SFMBT1: variants seen among roughly 807,000 people sequenced by gnomAD.
The protein encoded by SFMBT1 is scm-like with four MBT domains protein 1.
SFMBT1 carries 32 observed loss-of-function variants against 108.7 expected under a neutral mutation model. The ratio of observed to expected loss-of-function variants is 0.29; its 90% CI spans 0.22 to 0.40. The LOEUF (loss-of-function observed/expected upper bound fraction) is 0.40. Ranked by LOEUF, SFMBT1 falls within the 10% of genes least tolerant of loss-of-function variation. The pLI is 1.00. For synonymous variants in SFMBT1, 348 were observed against 369.5 expected, an observed-to-expected ratio of 0.94 and a Z score of 0.67; for missense variants, 816 against 1,059.6, an observed-to-expected ratio of 0.77 and a Z score of 3.19.
chr3:52,931,369 ATTGGTATTTC>A (rs1702854441), intron 6 of SFMBT1, among the ~76,000 whole-genome samples: 2 of 152,146 alleles, frequency 1.3e-5, no homozygotes, highest in Admixed American at 1.3e-4. Flanking sequence ...TACCAATATT[ATTGGTATTTC>A]TTTTAATCAA....
chr3:52,933,181 T>A (rs1444736311), intron 5 of SFMBT1, among the ~76,000 whole-genome samples: 1 of 152,248 alleles, frequency 6.6e-6, no homozygotes, highest in Non-Finnish European at 1.5e-5. Flanking sequence ...GGTATCTTTC[T>A]ATAATAGCAC....
chr3:52,923,336 C>T (rs1449783585), intron 10 of SFMBT1, among the ~76,000 whole-genome samples: 3 of 152,006 alleles, frequency 2.0e-5, no homozygotes, highest in Non-Finnish European at 2.9e-5. Flanking sequence ...GAGGCTGAGG[C>T]GGGTGGATCG....
intron 2 of SFMBT1, among the ~76,000 whole-genome samples, chr3:52,956,330 C>T (rs546456329): frequency 1.1e-4 from 16 of 152,076 alleles, no homozygotes; most frequent in Non-Finnish European, 2.1e-4. Context: ...TGTGGCGGCA[C>T]GCACCTGTAG....
At position 52,998,629 on chromosome 3, in the gene SFMBT1, G is replaced by A. The variant is rs771036488; in HGVS notation, c.-130-29371C>T. On this transcript the variant is annotated intron_variant, in intron 1 of 20. Transcript: ENST00000394752. ...CAGCCATGGCTAAGAAAGCGCCAGCGCCCACCCACCTGGGCCAATGGACTG... is the reference window on the plus strand; with the variant it reads ...CAGCCATGGCTAAGAAAGCGCCAGCACCCACCCACCTGGGCCAATGGACTG... 4.7e-5 allele frequency among the ~76,000 whole-genome samples: 7 copies of A among 150,102 alleles called. 1 individual carries two copies. The highest frequency in any genetic ancestry group is 9.7e-5 in the African/African-American group (4 of 41,248).
At position 52,907,536 on chromosome 3, in the gene SFMBT1, C is replaced by T. The variant is rs1033266794; in HGVS notation, c.2085+19G>A. On this transcript the variant is annotated intron_variant, in intron 18 of 20. Transcript: ENST00000394752. ...TCACTTGGCTTCAAGACATTACAGG[C>T]ACATCACAGATCTCATACCTGGGGA... 3.2e-5 allele frequency: 52 copies of T among 1,605,100 alleles called. No homozygotes were observed. Among genetic ancestry groups the T allele is most frequent in the Non-Finnish European group, 4.2e-5 (49 of 1,176,460 alleles).
chr3:53,037,593 C>A (rs1045889461), intron 1 of SFMBT1, among the ~76,000 whole-genome samples: 1 of 152,056 alleles, frequency 6.6e-6, no homozygotes, highest in African/African-American at 2.4e-5. Flanking sequence ...ATCATAAACA[C>A]CTATAACAAC....
intron 1 of SFMBT1, among the ~76,000 whole-genome samples, chr3:52,977,683 T>C (rs959477813): frequency 9.2e-5 from 14 of 152,188 alleles, no homozygotes; most frequent in Non-Finnish European, 1.6e-4. Context: ...TATAGATGTA[T>C]ACATATAACC....
At chr3:52,958,348 T>C (rs1014888967) in intron 2 of SFMBT1, among the ~76,000 whole-genome samples, 9 of 152,188 alleles carry the variant, frequency 5.9e-5, no homozygotes, top group African/African-American at 2.2e-4. Context: ...CCCAGCACTT[T>C]GGGAGGCCGC....
chr3:52,911,119 G>A lies in SFMBT1; in HGVS notation c.1790C>T (p.Thr597Ile). Residue 597 changes from threonine to isoleucine, a missense_variant, in exon 17 of 21, where the codon ACT (threonine) becomes ATT (isoleucine). Around this residue, in one of 5 missense-constraint regions of SFMBT1, gnomAD observed 79 missense variants for 120.8 expected, o/e 0.65. Coordinates refer to ENST00000394752, the MANE Select transcript of SFMBT1 (RefSeq NM_016329.4). Reference protein sequence around the residue: ...VEIVKTADRVTEFCRQTCIKL... With the variant: ...VEIVKTADRVIEFCRQTCIKL... Reference sequence around the variant, plus strand: ...GATACAGGTTTGCCGGCAGAATTCAGTCACCCGATCTGCTGTTTTCACTAT... The same window carrying A: ...GATACAGGTTTGCCGGCAGAATTCAATCACCCGATCTGCTGTTTTCACTAT... The A allele has an allele frequency of 5.0e-6, 8 of 1,614,104 alleles. No homozygotes were observed. Among genetic ancestry groups the A allele is most frequent in the Non-Finnish European group, 6.8e-6 (8 of 1,179,998 alleles).
intron 1 of SFMBT1, among the ~76,000 whole-genome samples, chr3:53,036,910 C>A (rs1699886795): frequency 6.6e-6 from 1 of 152,102 alleles, no homozygotes; most frequent in Non-Finnish European, 1.5e-5. Flanking sequence ...GGCTAGGGAG[C>A]AGCTCAAAGA....
At position 52,956,344 on chromosome 3, in the gene SFMBT1, C is replaced by T. The variant is rs369241126; in HGVS notation, c.29-1933G>A. ...GTGTGGCGGCACGCACCTGTAGTCC[C>T]AGCTACTCGGGAGGCTGAGGCAGGA... On this transcript the variant is annotated intron_variant, in intron 2 of 20. Coordinates refer to ENST00000394752, the MANE Select transcript of SFMBT1 (RefSeq NM_016329.4). Among the ~76,000 whole-genome samples the T allele has an allele frequency of 5.3e-5, 8 of 152,296 alleles. No homozygotes were observed. In the East Asian group the frequency reaches 1.2e-3, roughly 22 times the overall value.
At position 53,017,980 on chromosome 3, in the gene SFMBT1, C is replaced by A. The variant is rs1699182011; in HGVS notation, c.-131+27836G>T. On this transcript the variant is annotated intron_variant, in intron 1 of 20. Transcript: ENST00000394752. Reference sequence around the variant, plus strand: ...GGGCACGGTGGCTCACGCCTGTAATCCCAGCACTTTGAGAAGCCGAGGCGG... The same window carrying A: ...GGGCACGGTGGCTCACGCCTGTAATACCAGCACTTTGAGAAGCCGAGGCGG... 3 of 152,318 alleles carry A rather than the reference C, an allele frequency of 2.0e-5. No individual in the cohort carries two copies. The South Asian group carries it at 6.2e-4, about 32-fold the overall frequency. The allele number at this position is 152,318 out of a possible 1,614,324, so 9.4% of individuals were successfully genotyped here.
At position 52,977,811 on chromosome 3, in the gene SFMBT1, T is replaced by C. The variant is rs1384064433; in HGVS notation, c.-130-8553A>G. Reference sequence around the variant, plus strand: ...TACATCCAAATCATTAACAGGAAAGTGAGATTCAGGGGCAGGGCAAAAGGG... The same window carrying C: ...TACATCCAAATCATTAACAGGAAAGCGAGATTCAGGGGCAGGGCAAAAGGG... On this transcript the variant is annotated intron_variant, in intron 1 of 20. Coordinates refer to ENST00000394752, the MANE Select transcript of SFMBT1 (RefSeq NM_016329.4). Among the ~76,000 whole-genome samples the C allele has an allele frequency of 2.0e-5, 3 of 152,102 alleles. No individual in the cohort carries two copies. In the East Asian group the frequency reaches 5.8e-4, roughly 29 times the overall value.
chr3:52,935,047 C>A (rs1702966398), intron 4 of SFMBT1, 146 bp from the exon 5 acceptor site: 1 of 628,006 alleles, frequency 1.6e-6, no homozygotes. Context: ...AAAGATAAAA[C>A]AAAATAAAAC....
chr3:53,017,249 C>T (rs909279741), intron 1 of SFMBT1, among the ~76,000 whole-genome samples: 1 of 152,106 alleles, frequency 6.6e-6, no homozygotes, highest in African/African-American at 2.4e-5. Context: ...TTTCTGCACA[C>T]CATACTACTT....
At chr3:52,943,013 C>A (rs963335636) in intron 4 of SFMBT1, among the ~76,000 whole-genome samples, 1 of 152,096 alleles carries the variant, frequency 6.6e-6, no homozygotes, top group Non-Finnish European at 1.5e-5. Context: ...ACAATAAAAA[C>A]AAAAGAAAAT....
intron 17 of SFMBT1, among the ~76,000 whole-genome samples, chr3:52,909,858 C>T (rs148569831): frequency 7.2e-5 from 11 of 152,218 alleles, no homozygotes; most frequent in Admixed American, 6.5e-4. Flanking sequence ...GCAAGGACAG[C>T]GAATAGGTGC....
intron 16 of SFMBT1, among the ~76,000 whole-genome samples, chr3:52,911,448 A>G (rs1559507592): frequency 6.6e-6 from 1 of 152,216 alleles, no homozygotes. Flanking sequence ...GTTTTCAAAT[A>G]GTAATTTCAC....
At chr3:52,970,605 G>A (rs954198450) in intron 1 of SFMBT1, among the ~76,000 whole-genome samples, 7 of 152,166 alleles carry the variant, frequency 4.6e-5, no homozygotes, top group South Asian at 2.1e-4. Context: ...CTGCAAGAGC[G>A]ACAATACAGA....
Sources: allele counts gnomAD v4.1 joint callset (sites outside exome capture counted in the v4.1 genomes callset), GRCh38; gene constraint gnomAD v4.1.1; regional missense constraint gnomAD v4.1.1; transcripts MANE v1.5; gene names NCBI Gene and HGNC (gene_info 2026-07-23, HGNC 2026-07-21).